Variants in TRMT9B observed in about 807,000 individuals in gnomAD.
TRMT9B encodes the protein probable tRNA methyltransferase 9B.
In TRMT9B, 16 loss-of-function variants were observed where a neutral mutation model predicts 11.5. The observed-to-expected ratio is 1.39, with a 90% confidence interval of 0.94 to 2.11. The LOEUF is 2.11. TRMT9B is among the 30% of genes most tolerant of loss of function. The probability of loss-of-function intolerance (pLI) is 0.00; values close to 1 mark genes in which losing one functional copy is unlikely to be tolerated. For missense variants in TRMT9B, 941 were observed against 553.8 expected (o/e 1.70, Z -7.02); for synonymous variants, 274 against 192.4 (o/e 1.42, Z -3.51).
At chr8:13,020,857 G>A (rs569054554) in intron 4 of TRMT9B, 151 bp from the exon 5 acceptor site, 3 of 556,512 alleles carry the variant, frequency 5.4e-6, no homozygotes, top group East Asian at 3.1e-5. Context: ...TCAGTCCTGT[G>A]TTATTTCTGT....
chr8:12,965,358 T>C (rs1256123874), intron 1 of TRMT9B, among the ~76,000 whole-genome samples: 1 of 152,084 alleles, frequency 6.6e-6, no homozygotes, highest in East Asian at 1.9e-4. Flanking sequence ...ACACAGAGCA[T>C]AGAGATGGTG....
At chr8:13,011,789 C>T in intron 3 of TRMT9B, 1 of 950,558 alleles carries the variant, frequency 1.1e-6, no homozygotes, top group Non-Finnish European at 1.3e-6. Context: ...GTATACTGGA[C>T]CCATAGAGAT....
chr8:13,000,975 T>C (rs1023304903), intron 2 of TRMT9B, among the ~76,000 whole-genome samples: 5 of 152,150 alleles, frequency 3.3e-5, no homozygotes, highest in Admixed American at 3.3e-4. Flanking sequence ...TGAGTGACCC[T>C]GAGCCCCTAT....
chr8:12,969,224 A>AAAC (rs2128867443), intron 1 of TRMT9B, among the ~76,000 whole-genome samples: 1 of 152,212 alleles, frequency 6.6e-6, no homozygotes, highest in East Asian at 1.9e-4. Context: ...ACAAACAAAC[A>AAAC]AACAAAATAC....
intron 1 of TRMT9B, among the ~76,000 whole-genome samples, chr8:12,953,156 C>G (rs1211381253): frequency 6.6e-6 from 1 of 152,102 alleles, no homozygotes; most frequent in Non-Finnish European, 1.5e-5. Context: ...AGGTGGTAGG[C>G]ATGAATTTAA....
At chr8:12,954,638 G>A (rs1801066991) in intron 1 of TRMT9B, among the ~76,000 whole-genome samples, 1 of 152,214 alleles carries the variant, frequency 6.6e-6, no homozygotes, top group South Asian at 2.1e-4. Flanking sequence ...TGGCATGAAA[G>A]CATTAAGATA....
chr8:13,011,630 C>G, intron 3 of TRMT9B: 6 of 972,342 alleles, frequency 6.2e-6, no homozygotes, highest in Non-Finnish European at 7.3e-6. Context: ...ATTCATGTTA[C>G]TACCTACCTC....
intron 3 of TRMT9B, among the ~76,000 whole-genome samples, chr8:13,008,471 T>C (rs1252115727): frequency 6.6e-6 from 1 of 152,174 alleles, no homozygotes; most frequent in Non-Finnish European, 1.5e-5. Context: ...TGCTGCACTG[T>C]GAGTATTTAA....
chr8:13,006,253 C>G lies in TRMT9B; in HGVS notation c.51C>G (p.Tyr17Ter). Reference sequence around the variant, plus strand: ...AGAAGCAGCATGTGCACAATGTGTACGAGAGCACAGCCCCTTACTTCAGCG... The same window carrying G: ...AGAAGCAGCATGTGCACAATGTGTAGGAGAGCACAGCCCCTTACTTCAGCG... ...QLEKQHVHNV[Y>*]ESTAPYFSDL... The change falls in exon 3 of 5, where the codon TAC (tyrosine) becomes TAG (stop). Residue 17 changes from tyrosine (Y) to a stop codon, truncating the protein, a stop_gained. Transcript: ENST00000524591. LOFTEE classifies it high-confidence loss of function. 3 of 1,613,938 alleles carry G rather than the reference C, an allele frequency of 1.9e-6. No homozygotes were observed. Among genetic ancestry groups the G allele is most frequent in the African/African-American group, 1.3e-5 (1 of 75,054 alleles).
At chr8:13,019,005 T>C (rs1175243918) in intron 4 of TRMT9B, among the ~76,000 whole-genome samples, 1 of 152,188 alleles carries the variant, frequency 6.6e-6, no homozygotes, top group Non-Finnish European at 1.5e-5. Flanking sequence ...TTACTTTGTT[T>C]CATCTCAGCT....
intron 1 of TRMT9B, among the ~76,000 whole-genome samples, chr8:12,990,267 C>G (rs541186384): frequency 2.0e-5 from 3 of 152,258 alleles, no homozygotes; most frequent in African/African-American, 4.8e-5. Flanking sequence ...TCAGGCATCT[C>G]TCGAGATCTC....
chr8:13,010,232 T>C (rs1811343965), intron 3 of TRMT9B: 2 of 874,700 alleles, frequency 2.3e-6, no homozygotes, highest in Non-Finnish European at 2.7e-6. Context: ...TGCCAATTTG[T>C]ATCTTTTGAA....
chr8:12,950,978 AT>A (rs1335849588), intron 1 of TRMT9B, among the ~76,000 whole-genome samples: 1 of 152,174 alleles, frequency 6.6e-6, no homozygotes, highest in Non-Finnish European at 1.5e-5. Context: ...AAGAACGTGC[AT>A]TTTTAAAGTG....
At chr8:12,988,079 A>G (rs1347532754) in intron 1 of TRMT9B, among the ~76,000 whole-genome samples, 1 of 152,112 alleles carries the variant, frequency 6.6e-6, no homozygotes, top group Non-Finnish European at 1.5e-5. Flanking sequence ...GTTGTTATTC[A>G]TTTATTGGCT....
chr8:13,015,434 C>T (rs1171241621), intron 4 of TRMT9B, among the ~76,000 whole-genome samples: 1 of 152,086 alleles, frequency 6.6e-6, no homozygotes, highest in Non-Finnish European at 1.5e-5. Flanking sequence ...CAATGGCAGC[C>T]TCTACCTCCT....
Position 12,993,791 on chromosome 8 carries a change from C to A in TRMT9B, c.-2+2760C>A, listed in dbSNP as rs116185910. On this transcript the variant is annotated intron_variant, in intron 2 of 4. Transcript: ENST00000524591. ...ACTGTGGCCCCCACTGGGGTACATG[C>A]TGTGATTGTGAAGAAGCATTCAAGT... Among the ~76,000 whole-genome samples the A allele has an allele frequency of 4.8e-3, 737 of 152,316 alleles. 3 individuals are homozygous for A. Among genetic ancestry groups the A allele is most frequent in the African/African-American group, 0.017 (710 of 41,570 alleles).
Position 12,947,880 on chromosome 8 carries a change from G to A in TRMT9B, c.-200+1914G>A, listed in dbSNP as rs556363915. ...TGGAAAGTGTGCAGCCTATGTATAA[G>A]GAAGCATTGGGGCTGCCTTGCTCAG... On this transcript the variant is annotated intron_variant, in intron 1 of 4. Transcript: ENST00000524591. Among the ~76,000 whole-genome samples the A allele has an allele frequency of 3.3e-4, 51 of 152,320 alleles. 1 individual carries two copies. The South Asian group carries it at 0.01, about 30-fold the overall frequency.
At chr8:12,968,914 A>G (rs1219937539) in intron 1 of TRMT9B, among the ~76,000 whole-genome samples, 7 of 152,194 alleles carry the variant, frequency 4.6e-5, no homozygotes, top group Admixed American at 6.5e-5. Flanking sequence ...ACATATTTAT[A>G]TAAAACCGAA....
intron 1 of TRMT9B, among the ~76,000 whole-genome samples, chr8:12,948,386 C>T (rs1213306842): frequency 2.7e-5 from 4 of 148,662 alleles, no homozygotes; most frequent in African/African-American, 9.8e-5. Context: ...AATGAACCAT[C>T]GTAATTCAAG....
Sources: gnomAD v4.1 joint callset for allele counts (sites outside exome capture counted in the v4.1 genomes callset) on GRCh38, gnomAD v4.1.1 for gene constraint, MANE v1.5 for transcripts, NCBI Gene and HGNC (gene_info 2026-07-23, HGNC 2026-07-21) for gene names.